The following ZSWIM5 variants were observed in gnomAD, a reference collection of about 807,000 sequenced individuals.
ZSWIM5 encodes the protein zinc finger SWIM domain-containing protein 5.
ZSWIM5 carries 55 observed loss-of-function variants against 119.6 expected under a neutral mutation model. The observed-to-expected ratio is 0.46, with a 90% CI of 0.37 to 0.58. The LOEUF is 0.58. ZSWIM5 is among the 20% of genes least tolerant of loss of function. The probability of loss-of-function intolerance (pLI) is 0.00; values close to 1 mark genes in which losing one functional copy is unlikely to be tolerated. For synonymous variants in ZSWIM5, 537 were observed against 606.9 expected (o/e 0.88, Z 1.69); for missense variants, 1,193 against 1,512.8 (o/e 0.79, Z 3.51).
At chr1:45,041,453 GA>G (rs1246256496) in intron 6 of ZSWIM5, among the ~76,000 whole-genome samples, 2 of 151,092 alleles carry the variant, frequency 1.3e-5, no homozygotes, top group African/African-American at 4.9e-5. Flanking sequence ...CGGAAAATTT[GA>G]AAATACATAT....
intron 1 of ZSWIM5, among the ~76,000 whole-genome samples, chr1:45,185,844 A>G (rs1016632003): frequency 1.2e-4 from 19 of 152,184 alleles, no homozygotes; most frequent in South Asian, 2.1e-4. Flanking sequence ...ACAGTGCGGC[A>G]ATTCCTCAGG....
At chr1:45,079,346 C>T (rs139229007) in intron 2 of ZSWIM5, among the ~76,000 whole-genome samples, 2 of 152,284 alleles carry the variant, frequency 1.3e-5, no homozygotes, top group East Asian at 1.9e-4. Context: ...CACATGGACG[C>T]GCATGACACT....
At chr1:45,053,127 C>CAA (rs60199581) in intron 4 of ZSWIM5, among the ~76,000 whole-genome samples, 3 of 122,164 alleles carry the variant, frequency 2.5e-5, no homozygotes, top group African/African-American at 9.3e-5. Context: ...CCGTCTCAAA[C>CAA]AAAAAAAAAA....
intron 1 of ZSWIM5, among the ~76,000 whole-genome samples, chr1:45,129,795 A>G (rs1226141255): frequency 6.6e-6 from 1 of 152,254 alleles, no homozygotes; most frequent in Admixed American, 6.5e-5. Flanking sequence ...TGAACCACAG[A>G]TTAAATGTAA....
intron 1 of ZSWIM5, among the ~76,000 whole-genome samples, chr1:45,194,716 A>C (rs1245860832): frequency 6.6e-6 from 1 of 152,034 alleles, no homozygotes; most frequent in Non-Finnish European, 1.5e-5. Flanking sequence ...TTTCTACTAA[A>C]AATACAAAAA....
At chr1:45,185,272 T>C (rs4509614) in intron 1 of ZSWIM5, among the ~76,000 whole-genome samples, 15,076 of 140,710 alleles carry the variant, frequency 0.11, 745 homozygotes, top group Non-Finnish European at 0.12. Flanking sequence ...AAGACTTAAA[T>C]GTTAGACCTA....
At position 45,019,998 on chromosome 1, in the gene ZSWIM5, T is replaced by C; in HGVS notation, c.2695+68A>G. ...GAATATGAGAGCTCTAAGGATTGAT[T>C]GTCCTGTCCCAAGAGTAGGGCCTAG... On this transcript the variant is annotated intron_variant, in intron 13 of 13. Transcript: ENST00000359600. The surrounding 1 kb of genome is among the most constrained non-coding windows in gnomAD (Gnocchi z 5.0). The C allele has an allele frequency of 7.4e-7, 1 of 1,343,184 alleles. No individual in the cohort carries two copies. The highest frequency in any genetic ancestry group is 1.2e-5 in the South Asian group (1 of 83,672). 83.2% of individuals were successfully genotyped at this position (1,343,184 alleles called of 1,614,324 possible).
At position 45,050,817 on chromosome 1, in the gene ZSWIM5, G is replaced by A. The variant is rs529932298; in HGVS notation, c.1432+257C>T. 1.2e-4 allele frequency among the ~76,000 whole-genome samples: 19 copies of A among 152,250 alleles called. No individual in the cohort carries two copies. In the South Asian group the frequency reaches 2.5e-3, roughly 20 times the overall value. ...ACCAGAAGAGTAGACCAGGAGTCAC[G>A]CAGAGGCTCTAGGACATTATGCTGG... On this transcript the variant is annotated intron_variant, in intron 5 of 13. Coordinates refer to ENST00000359600, the MANE Select transcript of ZSWIM5 (RefSeq NM_020883.2).
chr1:45,034,943 G>C (rs1172111657), intron 10 of ZSWIM5, among the ~76,000 whole-genome samples: 1 of 151,974 alleles, frequency 6.6e-6, no homozygotes, highest in Non-Finnish European at 1.5e-5. Context: ...CAACATGCCT[G>C]GCTAATTTTT....
rs555443578 is a variant in ZSWIM5, at chr1:45,193,502, G to C, written c.595+12254C>G. Among the ~76,000 whole-genome samples, 50 of 152,280 alleles carry C rather than the reference G, an allele frequency of 3.3e-4. No homozygotes were observed. In the South Asian group the frequency reaches 8.9e-3, roughly 27 times the overall value. ...AAAAATCTAGGAAGAAGCATTTCAA[G>C]AGAAATGTATAGTAGACTACAGAAA... On this transcript the variant is annotated intron_variant, in intron 1 of 13. Coordinates refer to ENST00000359600, the MANE Select transcript of ZSWIM5 (RefSeq NM_020883.2).
chr1:45,080,833 G>A (rs1645285537), intron 2 of ZSWIM5, among the ~76,000 whole-genome samples: 1 of 152,166 alleles, frequency 6.6e-6, no homozygotes, highest in African/African-American at 2.4e-5. Context: ...CACAAATAGG[G>A]CATAGAGTAG....
At chr1:45,146,299 A>G (rs1056431712) in intron 1 of ZSWIM5, among the ~76,000 whole-genome samples, 2 of 151,986 alleles carry the variant, frequency 1.3e-5, no homozygotes, top group Non-Finnish European at 2.9e-5. Flanking sequence ...TTCAGCACTT[A>G]TAACTATTCG....
At chr1:45,113,775 G>A (rs1645531460) in intron 1 of ZSWIM5, among the ~76,000 whole-genome samples, 1 of 152,148 alleles carries the variant, frequency 6.6e-6, no homozygotes, top group Admixed American at 6.5e-5. Flanking sequence ...ACTGCCTGCT[G>A]GACATCCCCT....
chr1:45,068,737 T>C (rs1397475901), intron 2 of ZSWIM5, among the ~76,000 whole-genome samples: 1 of 151,940 alleles, frequency 6.6e-6, no homozygotes, highest in African/African-American at 2.4e-5. Flanking sequence ...GATTATTCTT[T>C]TCCCTTTCTT....
chr1:45,117,408 CTCA>C, intron 1 of ZSWIM5, among the ~76,000 whole-genome samples: 1 of 152,332 alleles, frequency 6.6e-6, no homozygotes, highest in East Asian at 1.9e-4. Context: ...GTCACAGTGG[CTCA>C]CACCTATAAT....
At chr1:45,133,013 T>C (rs1645667595) in intron 1 of ZSWIM5, among the ~76,000 whole-genome samples, 2 of 152,316 alleles carry the variant, frequency 1.3e-5, no homozygotes, top group South Asian at 2.1e-4. Context: ...CAGTCTATCA[T>C]TGATGGACAT....
At chr1:45,148,189 A>G (rs539453154) in intron 1 of ZSWIM5, among the ~76,000 whole-genome samples, 98 of 152,310 alleles carry the variant, frequency 6.4e-4, no homozygotes, top group Middle Eastern at 6.8e-3. Flanking sequence ...TATATGGATA[A>G]AAAGAGAAAA....
chr1:45,031,169 A>ATTTTTTTTTT (rs34390567), intron 11 of ZSWIM5, among the ~76,000 whole-genome samples: 1 of 61,746 alleles, frequency 1.6e-5, no homozygotes, highest in Non-Finnish European at 2.8e-5. Flanking sequence ...TTTTGCTCTG[A>ATTTTTTTTTT]TTTTTTTTTT....
chr1:45,119,623 T>C (rs1372828240), intron 1 of ZSWIM5, among the ~76,000 whole-genome samples: 1 of 152,196 alleles, frequency 6.6e-6, no homozygotes, highest in Non-Finnish European at 1.5e-5. Flanking sequence ...AAATTCATGG[T>C]TTCCAATCTC....
Sources: gnomAD v4.1 joint callset for allele counts (sites outside exome capture counted in the v4.1 genomes callset) on GRCh38, gnomAD v4.1.1 for gene constraint, Gnocchi (gnomAD v3.1) non-coding constraint, MANE v1.5 for transcripts, NCBI Gene and HGNC (gene_info 2026-07-23, HGNC 2026-07-21) for gene names.